Variants in CUL4B observed in about 807,000 individuals in gnomAD.
CUL4B encodes cullin 4B, also known as cullin-4B.
A neutral mutation model predicts 69.2 loss-of-function variants in CUL4B; 1 was observed. The observed-to-expected ratio is 0.01, with a 90% CI of 0.01 to 0.07. The LOEUF (loss-of-function observed/expected upper bound fraction) is 0.07. CUL4B is among the 10% of genes least tolerant of loss of function. The probability of loss-of-function intolerance (pLI) is 1.00; values close to 1 mark genes in which losing one functional copy is unlikely to be tolerated. For missense variants in CUL4B, 328 were observed against 638.8 expected (o/e 0.51, Z 5.24); for synonymous variants, 237 against 223.2 (o/e 1.06, Z -0.55).
At chrX:120,563,787 A>T (rs1925412764), upstream of CUL4B, among the ~76,000 whole-genome samples, 1 of 112,340 alleles carries the variant, frequency 8.9e-6, no homozygotes, top group Admixed American at 9.5e-5. Flanking sequence ...GGGTATATGA[A>T]GTGCTAGCCA....
At chrX:120,536,077 A>G in intron 15 of CUL4B, 134 bp from the exon 16 acceptor site, 3 of 485,155 alleles carry the variant, frequency 6.2e-6, no homozygotes, top group South Asian at 5.9e-5. Flanking sequence ...AATCACTTTG[A>G]TGAAAAACAA....
At chrX:120,575,042 C>A (rs903690865) in intron 1 of CUL4B, among the ~76,000 whole-genome samples, 1 of 111,601 alleles carries the variant, frequency 9.0e-6, no homozygotes, top group African/African-American at 3.3e-5. Flanking sequence ...GAATCAGTCA[C>A]AAATTTTCTT....
chrX:120,556,963 G>A (rs2147347110), intron 2 of CUL4B, among the ~76,000 whole-genome samples: 1 of 106,899 alleles, frequency 9.4e-6, no homozygotes, highest in East Asian at 2.9e-4. Context: ...CCAGGCTGGA[G>A]TGCAATGGTG....
chrX:120,571,240 G>A (rs944563292), exon 3 of CUL4B: 1 of 111,059 alleles, frequency 9.0e-6, no homozygotes, highest in African/African-American at 3.3e-5. Flanking sequence ...TCTTTTGTAT[G>A]TATTAAAATT....
At chrX:120,559,951 C>A in intron 1 of CUL4B, 132 bp downstream of exon 1, 2 of 1,165,183 alleles carry the variant, frequency 1.7e-6, no homozygotes, top group East Asian at 3.1e-5. Context: ...AAGGACCTCC[C>A]CTCCACCTCA....
chrX:120,564,531 A>G (rs1925435214), upstream of CUL4B, among the ~76,000 whole-genome samples: 1 of 111,482 alleles, frequency 9.0e-6, no homozygotes, highest in South Asian at 3.8e-4. Context: ...GCTTGAACTC[A>G]GGAGGTGGAG....
At position 120,538,552 on chromosome X, in the gene CUL4B, T is replaced by C. The variant is rs1923802793; in HGVS notation, c.1852+108A>G. 5 of 579,947 alleles carry C rather than the reference T, an allele frequency of 8.6e-6. No individual in the cohort carries two copies. The South Asian group carries it at 9.6e-5, about 11-fold the overall frequency. 47.8% of individuals were successfully genotyped at this position (579,947 alleles called of 1,213,427 possible). ...GCTTGCTCAATTTATGTTTTCATCATATATACATAGACATGAGTGACAAAA... is the reference window on the plus strand; with the variant it reads ...GCTTGCTCAATTTATGTTTTCATCACATATACATAGACATGAGTGACAAAA... On this transcript the variant is annotated intron_variant, in intron 13 of 19. Transcript: ENST00000371322.
chrX:120,535,277 C>G (rs906847107), intron 16 of CUL4B, among the ~76,000 whole-genome samples: 4 of 111,538 alleles, frequency 3.6e-5, no homozygotes, highest in Admixed American at 9.6e-5. Flanking sequence ...GGGGAAAGTT[C>G]ACTGCTTTTC....
upstream of CUL4B, among the ~76,000 whole-genome samples, chrX:120,563,517 T>C (rs1925404925): frequency 8.9e-6 from 1 of 112,006 alleles, no homozygotes; most frequent in Non-Finnish European, 1.9e-5. Context: ...GCCTACCATA[T>C]AGTTCTTGCT....
chrX:120,552,374 C>T (rs1177955522), intron 2 of CUL4B, among the ~76,000 whole-genome samples: 1 of 112,640 alleles, frequency 8.9e-6, no homozygotes, highest in Non-Finnish European at 1.9e-5. Flanking sequence ...TCTTGAATGC[C>T]TGACCTCAGG....
At chrX:120,544,444 A>T (rs1421898869) in intron 6 of CUL4B, 37 bp downstream of exon 6, 3 of 1,194,529 alleles carry the variant, frequency 2.5e-6, no homozygotes, top group Non-Finnish European at 3.4e-6. Flanking sequence ...CTAGGATAGC[A>T]ATCAGCTCTG....
At chrX:120,568,204 G>A (rs1004493328), downstream of CUL4B, among the ~76,000 whole-genome samples, 1 of 110,967 alleles carries the variant, frequency 9.0e-6, no homozygotes, top group Non-Finnish European at 1.9e-5. Context: ...GCAATAGGGA[G>A]TGGTGAGAGG....
chrX:120,540,430 T>C lies in CUL4B; in HGVS notation c.1576A>G (p.Met526Val). ...ATGAACGTTTCAAATGCTTCTTTCATGGCATTGATAAATTTCTCATTCTTC... is the reference window on the plus strand; with the variant it reads ...ATGAACGTTTCAAATGCTTCTTTCACGGCATTGATAAATTTCTCATTCTTC... ...FLKNEKFINA[M>V]KEAFETFINK... Residue 526 changes from methionine to valine, a missense_variant, in exon 11 of 20, where the codon ATG becomes GTG. Around this residue, in one of 4 missense-constraint regions of CUL4B, gnomAD observed 98 missense variants for 296.8 expected, o/e 0.33. Transcript: ENST00000371322. 8.3e-7 allele frequency: 1 copy of C among 1,209,198 alleles called. No homozygotes were observed. The highest frequency in any genetic ancestry group is 1.1e-6 in the Non-Finnish European group (1 of 893,100).
chrX:120,557,788 T>C (rs985846558), intron 2 of CUL4B, 136 bp downstream of exon 2: 1 of 437,734 alleles, frequency 2.3e-6, no homozygotes. Context: ...AATTATAGAG[T>C]TCATCAATTA....
upstream of CUL4B, chrX:120,561,484 T>A: frequency 3.3e-6 from 1 of 300,489 alleles, no homozygotes; most frequent in Admixed American, 4.0e-5. Flanking sequence ...GGAAGAAAAG[T>A]GGATAGGAGG....
At chrX:120,561,448 G>A (rs1393591536), upstream of CUL4B, 1 of 542,371 alleles carries the variant, frequency 1.8e-6, no homozygotes. Flanking sequence ...GAGTGGGGGG[G>A]GGAAGGGGGG....
chrX:120,554,558 T>G (rs1924863217), intron 2 of CUL4B, among the ~76,000 whole-genome samples: 1 of 112,607 alleles, frequency 8.9e-6, no homozygotes, highest in Non-Finnish European at 1.9e-5. Flanking sequence ...GCAAGTGTAC[T>G]TAGAACAGCA....
chrX:120,561,796 C>T (rs929722630), upstream of CUL4B, among the ~76,000 whole-genome samples: 2 of 110,807 alleles, frequency 1.8e-5, no homozygotes, highest in Non-Finnish European at 3.8e-5. Flanking sequence ...TGCCATTATG[C>T]CCGCTGCTGG....
At chrX:120,543,102 A>AG in intron 8 of CUL4B, 69 bp from the exon 9 acceptor site, 3 of 670,524 alleles carry the variant, frequency 4.5e-6, no homozygotes, top group Admixed American at 2.7e-5. Context: ...GCCTCTCCTG[A>AG]GGGGGGAAAA....
Sources: allele counts gnomAD v4.1 joint callset (sites outside exome capture counted in the v4.1 genomes callset), GRCh38; gene constraint gnomAD v4.1.1; regional missense constraint gnomAD v4.1.1; transcripts MANE v1.5; gene names NCBI Gene and HGNC (gene_info 2026-07-23, HGNC 2026-07-21).